The following ROS1 variants were observed in gnomAD, a reference collection of about 807,000 sequenced individuals.
ROS1 encodes the protein proto-oncogene tyrosine-protein kinase ROS.
A neutral mutation model predicts 273.5 loss-of-function variants in ROS1; 263 were observed. The observed-to-expected ratio is 0.96, with a 90% confidence interval of 0.87 to 1.06. ROS1 has a LOEUF of 1.06. ROS1 is among the 50% of genes least tolerant of loss of function. The probability of loss-of-function intolerance (pLI) is 0.00; values close to 1 mark genes in which losing one functional copy is unlikely to be tolerated. For synonymous variants in ROS1, 1,008 were observed against 954.1 expected (o/e 1.06, Z -1.04); for missense variants, 2,833 against 2,751.1 (o/e 1.03, Z -0.67).
intron 43 of ROS1, among the ~76,000 whole-genome samples, chr6:117,296,117 G>A (rs1022276009): frequency 1.3e-5 from 2 of 152,180 alleles, no homozygotes; most frequent in Non-Finnish European, 2.9e-5. Context: ...AAATGGATAG[G>A]CCAGGCTCAG....
intron 2 of ROS1, among the ~76,000 whole-genome samples, chr6:117,417,273 C>A (rs114748971): frequency 2.6e-5 from 4 of 152,096 alleles, no homozygotes; most frequent in African/African-American, 7.2e-5. Flanking sequence ...CCCATTAACG[C>A]GTTACATTCT....
intron 43 of ROS1, 53 bp downstream of exon 43, chr6:117,300,921 T>C: frequency 7.2e-7 from 1 of 1,384,898 alleles, no homozygotes; most frequent in Non-Finnish European, 9.6e-7. Context: ...ATTTTAACTT[T>C]GTTCAGTTCA....
At chr6:117,387,650 A>T in intron 14 of ROS1, 130 bp downstream of exon 14, 1 of 866,606 alleles carries the variant, frequency 1.2e-6, no homozygotes, top group Non-Finnish European at 1.8e-6. Context: ...GTGTTTACTC[A>T]AACACATACT....
At chr6:117,409,940 T>A (rs1292954068) in intron 4 of ROS1, among the ~76,000 whole-genome samples, 3 of 152,176 alleles carry the variant, frequency 2.0e-5, no homozygotes, top group African/African-American at 7.2e-5. Context: ...AAAAAAAGAT[T>A]CCTGAAATGA....
At position 117,344,116 on chromosome 6, in the gene ROS1, A is replaced by G. The variant is rs753157680; in HGVS notation, c.4450T>C (p.Tyr1484His). ...ITSPTPTYLV[Y>H]YAEVNDRKNS... ...TTCCTGTCATTAACTTCTGCATAAT[A>G]AACCAGGTATGTTGGAGTAGGGCTG... The change falls in exon 28 of 44, where the codon TAT becomes CAT. Residue 1484 changes from tyrosine to histidine, a missense_variant. Transcript: ENST00000368507. The G allele has an allele frequency of 1.9e-6, 3 of 1,614,116 alleles. No homozygotes were observed. The East Asian group carries it at 6.7e-5, about 36-fold the overall frequency.
intron 9 of ROS1, among the ~76,000 whole-genome samples, chr6:117,395,812 A>G (rs1773442158): frequency 6.6e-6 from 1 of 152,008 alleles, no homozygotes; most frequent in Non-Finnish European, 1.5e-5. Flanking sequence ...TGTCTGATAT[A>G]TATTAAATAA....
chr6:117,389,605 A>T lies in ROS1; in HGVS notation c.1531T>A (p.Phe511Ile). ...PRIPFADVKS[F>I]ACENNDFLVT... Reference sequence around the variant, plus strand: ...AGAAAGTCATTGTTTTCACAAGCAAAACTTTTCACATCAGCAAAGGGGATG... The same window carrying T: ...AGAAAGTCATTGTTTTCACAAGCAATACTTTTCACATCAGCAAAGGGGATG... The change falls in exon 13 of 44, where the codon TTT becomes ATT. Residue 511 changes from phenylalanine (F) to isoleucine (I), a missense_variant. Coordinates refer to ENST00000368507, the MANE Select transcript of ROS1 (RefSeq NM_001378902.1). The T allele has an allele frequency of 1.9e-6, 3 of 1,614,192 alleles. No individual in the cohort carries two copies. Among genetic ancestry groups the T allele is most frequent in the Non-Finnish European group, 2.5e-6 (3 of 1,180,032 alleles).
At position 117,374,245 on chromosome 6, in the gene ROS1, A is replaced by G. The variant is rs111301990; in HGVS notation, c.2582+4814T>C. On this transcript the variant is annotated intron_variant, in intron 18 of 43. Coordinates refer to ENST00000368507, the MANE Select transcript of ROS1 (RefSeq NM_001378902.1). ...ACATTACCTGACTTCAAACTGTACTATAAGGCTATAGTCACCAAAACAGTA... is the reference window on the plus strand; with the variant it reads ...ACATTACCTGACTTCAAACTGTACTGTAAGGCTATAGTCACCAAAACAGTA... 7.1e-3 allele frequency among the ~76,000 whole-genome samples: 1,085 copies of G among 152,368 alleles called. 10 individuals are homozygous for G. Among genetic ancestry groups the G allele is most frequent in the African/African-American group, 0.024 (1,008 of 41,590 alleles).
intron 35 of ROS1, among the ~76,000 whole-genome samples, chr6:117,322,144 A>T (rs1312563018): frequency 6.6e-6 from 1 of 152,140 alleles, no homozygotes; most frequent in East Asian, 1.9e-4. Context: ...TTTGAACTTA[A>T]TTTCACAGTA....
rs767318814 is a variant in ROS1 at position 117,384,344 on chromosome 6, C to A, written c.2290-836G>T. 5.1e-4 allele frequency among the ~76,000 whole-genome samples: 78 copies of A among 152,214 alleles called. 1 individual carries two copies. The highest frequency in any genetic ancestry group is 6.8e-3 in the Middle Eastern group (2 of 294). ...GCAGGGACAACTGATGATGGCTGTA[C>A]ATCAATGGACACACTAAAAAATCTC... On this transcript the variant is annotated intron_variant, in intron 16 of 43. Transcript: ENST00000368507.
At chr6:117,338,345 G>A (rs1291626917) in intron 31 of ROS1, among the ~76,000 whole-genome samples, 1 of 152,014 alleles carries the variant, frequency 6.6e-6, no homozygotes, top group Non-Finnish European at 1.5e-5. Context: ...TGTACAGTAA[G>A]AAAGGGGAAT....
At chr6:117,312,761 C>A (rs1775637834) in intron 39 of ROS1, among the ~76,000 whole-genome samples, 1 of 152,240 alleles carries the variant, frequency 6.6e-6, no homozygotes, top group African/African-American at 2.4e-5. Context: ...GTTTCCTTGA[C>A]TCTAGATGCT....
chr6:117,328,664 G>A (rs1045031932), intron 33 of ROS1: 17 of 592,660 alleles, frequency 2.9e-5, no homozygotes, highest in Non-Finnish European at 5.1e-5. Context: ...AGTCCTGTGA[G>A]AGGAGTGTCT....
At position 117,403,226 on chromosome 6, in the gene ROS1, A is replaced by G. The variant is rs180777109; in HGVS notation, c.517T>C (p.Tyr173His). The G allele has an allele frequency of 2.9e-5, 46 of 1,612,082 alleles. 1 individual carries two copies. In the East Asian group the frequency reaches 1.0e-3, roughly 36 times the overall value. The change falls in exon 7 of 44, where the codon TAC becomes CAC. Residue 173 changes from tyrosine to histidine, a missense_variant. Tyr to His is a moderately conservative substitution (Grantham distance 83). Transcript: ENST00000368507. The stretch of plus-strand genomic sequence containing the variant: ...AAGATCCAAACCACTCGGAAAATGT[A>G]CTCAGTGAAGGGGTGCAGGGGCTTG... ...VVKPLHPFTEYIFRVVWIFTA... is the reference protein window; with the variant it reads ...VVKPLHPFTEHIFRVVWIFTA...
chr6:117,380,417 A>G (rs1772031257), intron 17 of ROS1, among the ~76,000 whole-genome samples: 1 of 152,072 alleles, frequency 6.6e-6, no homozygotes, highest in African/African-American at 2.4e-5. Context: ...TATTCTCCAG[A>G]AGGTAAAAAT....
intron 12 of ROS1, among the ~76,000 whole-genome samples, chr6:117,392,617 T>C (rs532615936): frequency 2.0e-5 from 3 of 152,288 alleles, no homozygotes; most frequent in African/African-American, 2.4e-5. Context: ...CCTATATGGA[T>C]TGATAAATCA....
At position 117,422,272 on chromosome 6, in the gene ROS1, T is replaced by C. The variant is rs542787691; in HGVS notation, c.123+3262A>G. On this transcript the variant is annotated intron_variant, in intron 1 of 43. Transcript: ENST00000368507. ...GGGAACTGTCCGCCTCAGCCTCCCA[T>C]AGTGCTGGAATTACAGGCATGAGCC... Among the ~76,000 whole-genome samples the C allele has an allele frequency of 8.5e-5, 13 of 152,230 alleles. No individual in the cohort carries two copies. The South Asian group carries it at 1.9e-3, about 22-fold the overall frequency.
At chr6:117,293,265 T>C (rs1054604849) in intron 43 of ROS1, among the ~76,000 whole-genome samples, 2 of 152,174 alleles carry the variant, frequency 1.3e-5, no homozygotes, top group Non-Finnish European at 2.9e-5. Context: ...TGGCAGAAGA[T>C]GTAATACAAA....
intron 5 of ROS1, among the ~76,000 whole-genome samples, chr6:117,408,064 A>G (rs530312648): frequency 6.9e-4 from 105 of 152,026 alleles, no homozygotes; most frequent in Non-Finnish European, 1.3e-3. Flanking sequence ...AAATTAATTC[A>G]AGATGGATTA....
Sources: allele counts gnomAD v4.1 joint callset (sites outside exome capture counted in the v4.1 genomes callset), GRCh38; gene constraint gnomAD v4.1.1; transcripts MANE v1.5; gene names NCBI Gene and HGNC (gene_info 2026-07-23, HGNC 2026-07-21).